The following GGA2 variants were observed in gnomAD, a reference collection of about 807,000 sequenced individuals.
GGA2 encodes the protein golgi associated, gamma adaptin ear containing, ARF binding protein 2.
A neutral mutation model predicts 79.5 loss-of-function variants in GGA2; 48 were observed. The ratio of observed to expected loss-of-function variants is 0.60; its 90% CI spans 0.48 to 0.77. The LOEUF (loss-of-function observed/expected upper bound fraction) is 0.77. Ranked by LOEUF, GGA2 falls within the 30% of genes least tolerant of loss-of-function variation. GGA2 has a pLI of 0.00. For synonymous variants in GGA2, 317 were observed against 302.0 expected, an observed-to-expected ratio of 1.05 and a Z score of -0.51; for missense variants, 770 against 774.0, an observed-to-expected ratio of 0.99 and a Z score of 0.06.
At chr16:23,509,437 C>T (rs72776106) in intron 1 of GGA2, among the ~76,000 whole-genome samples, 11 of 152,306 alleles carry the variant, frequency 7.2e-5, no homozygotes, top group South Asian at 4.1e-4. Context: ...ACGCCCTCCT[C>T]CTCCTCGCCA....
At chr16:23,483,668 C>T (rs866661233) in intron 8 of GGA2, among the ~76,000 whole-genome samples, 6 of 151,648 alleles carry the variant, frequency 4.0e-5, no homozygotes, top group Non-Finnish European at 8.8e-5. Context: ...TTTTTTGAGA[C>T]AGAGTTTCAC....
Position 23,488,652 on chromosome 16 carries a change from G to A in GGA2, c.533C>T (p.Pro178Leu), listed in dbSNP as rs779006805. ...PVDKILPPPSPWPKSSIFDAD... is the reference protein window; with the variant it reads ...PVDKILPPPSLWPKSSIFDAD... ...ATCAAAGATGGAGCTCTTGGGCCAGGGAGATGGTGGGGGTAAGATTTTATC... is the reference window on the plus strand; with the variant it reads ...ATCAAAGATGGAGCTCTTGGGCCAGAGAGATGGTGGGGGTAAGATTTTATC... The change falls in exon 6 of 17, where the codon CCC (proline) becomes CTC (leucine). Residue 178 changes from proline to leucine, a missense_variant. Physicochemically the swap from Pro to Leu is moderately conservative, Grantham distance 98. Transcript: ENST00000309859. The A allele has an allele frequency of 2.5e-6, 4 of 1,611,364 alleles. No homozygotes were observed. The highest frequency in any genetic ancestry group is 3.4e-6 in the Non-Finnish European group (4 of 1,177,692).
At position 23,493,508 on chromosome 16, in the gene GGA2, G is replaced by A. The variant is rs74012183; in HGVS notation, c.253-50C>T. ...AGAAGGTGGAAAGCCAGTGGTCCCA[G>A]GCTCCCCTCCAGGCTGGTAATCACT... On this transcript the variant is annotated intron_variant, in intron 3 of 16. Transcript: ENST00000309859. 1.2e-3 allele frequency: 1,363 copies of A among 1,177,868 alleles called. 16 individuals carry two copies. In the African/African-American group the frequency reaches 0.019, roughly 16 times the overall value. 73.0% of individuals were successfully genotyped at this position (1,177,868 alleles called of 1,614,324 possible).
intron 1 of GGA2, among the ~76,000 whole-genome samples, chr16:23,497,602 C>G (rs530551760): frequency 6.6e-6 from 1 of 152,176 alleles, no homozygotes; most frequent in East Asian, 1.9e-4. Context: ...TCCCCACCCC[C>G]GCAAAGCTCT....
intron 4 of GGA2, among the ~76,000 whole-genome samples, chr16:23,492,472 A>G (rs542727179): frequency 6.6e-6 from 1 of 152,340 alleles, no homozygotes; most frequent in South Asian, 2.1e-4. Context: ...GTGTAAAAAA[A>G]CAAAACAAAA....
At chr16:23,470,505 G>A (rs565362533) in intron 14 of GGA2, among the ~76,000 whole-genome samples, 82 of 152,254 alleles carry the variant, frequency 5.4e-4, no homozygotes, top group Non-Finnish European at 1.3e-4. Flanking sequence ...GCTCACGCCT[G>A]TAATCCCAGC....
chr16:23,474,514 T>A lies in GGA2; in HGVS notation c.1450+390A>T, dbSNP rs1964552026. The stretch of plus-strand genomic sequence containing the variant: ...CTGGGATTACAGGCATGCACCACCA[T>A]GTCCAGCTAATGTTTGTATTTTTTG... On this transcript the variant is annotated intron_variant, in intron 14 of 16. Transcript: ENST00000309859. 2.0e-5 allele frequency among the ~76,000 whole-genome samples: 3 copies of A among 152,220 alleles called. No individual in the cohort carries two copies. The South Asian group carries it at 6.2e-4, about 32-fold the overall frequency.
At position 23,486,005 on chromosome 16, in the gene GGA2, C is replaced by T. The variant is rs746506375; in HGVS notation, c.798+10G>A. The stretch of plus-strand genomic sequence containing the variant: ...AACATGTGCAGCCCCCTGTGTTACA[C>T]CTGTATTACCTGCAGGGCCTCCTGG... On this transcript the variant is annotated intron_variant, in intron 8 of 16. Coordinates refer to ENST00000309859, the MANE Select transcript of GGA2 (RefSeq NM_015044.4). 6.2e-7 allele frequency: 1 copy of T among 1,613,126 alleles called. No homozygotes were observed. Among genetic ancestry groups the T allele is most frequent in the South Asian group, 1.1e-5 (1 of 90,996 alleles).
intron 1 of GGA2, among the ~76,000 whole-genome samples, chr16:23,503,948 C>T (rs1389536168): frequency 1.3e-5 from 2 of 152,100 alleles, no homozygotes; most frequent in Admixed American, 6.6e-5. Flanking sequence ...AGGTATGGTG[C>T]TGCATGCCTG....
intron 1 of GGA2, chr16:23,521,757 A>G (rs1382057101): frequency 4.4e-6 from 2 of 449,732 alleles, no homozygotes; most frequent in South Asian, 3.1e-5. Context: ...GAATCGACTT[A>G]GTATTTTGAC....
At chr16:23,519,192 A>T (rs1019015271) in intron 2 of GGA2, among the ~76,000 whole-genome samples, 1 of 152,106 alleles carries the variant, frequency 6.6e-6, no homozygotes, top group East Asian at 1.9e-4. Context: ...ACAGGTGTGC[A>T]TCACTACACA....
rs753938257 is a variant in GGA2 at position 23,510,427 on chromosome 16, G to A, written c.-16C>T. 3 of 1,113,624 alleles carry A rather than the reference G, an allele frequency of 2.7e-6. No homozygotes were observed. The highest frequency in any genetic ancestry group is 2.4e-5 in the South Asian group (1 of 41,512). The allele number at this position is 1,113,624 out of a possible 1,614,324, so 69.0% of individuals were successfully genotyped here. A position where few individuals can be genotyped will look rare whatever the true frequency, so the allele number is the denominator to read the frequency against. ...TCGCCGCCATCGCTCCAGCCCCGAC[G>A]CTGCGGCCGCGGGCGCCACTGCCTC... is the stretch of plus-strand genomic sequence containing the variant. On this transcript the variant is annotated 5_prime_UTR_variant, in exon 1 of 17. Transcript: ENST00000309859.
At chr16:23,477,587 A>C (rs1964590917) in intron 13 of GGA2, among the ~76,000 whole-genome samples, 1 of 152,074 alleles carries the variant, frequency 6.6e-6, no homozygotes, top group South Asian at 2.1e-4. Flanking sequence ...ACTAAAAAAA[A>C]ATACAAAAAA....
chr16:23,510,281 C>T, intron 1 of GGA2, 40 bp downstream of exon 1: 3 of 1,315,822 alleles, frequency 2.3e-6, no homozygotes, highest in South Asian at 1.5e-5. Context: ...GCCTCACGTG[C>T]GGCGCAGCGG....
chr16:23,478,543 T>C (rs746316111), intron 12 of GGA2, 42 bp from the exon 13 acceptor site: 19 of 1,596,176 alleles, frequency 1.2e-5, no homozygotes, highest in Admixed American at 3.4e-5. Flanking sequence ...AGGGTATGAA[T>C]GACCATCAGC....
At chr16:23,492,551 G>C (rs1167429219) in intron 4 of GGA2, among the ~76,000 whole-genome samples, 1 of 152,194 alleles carries the variant, frequency 6.6e-6, no homozygotes, top group East Asian at 1.9e-4. Context: ...ACCTACGTTG[G>C]GAGGATGGCA....
chr16:23,520,819 C>T (rs555424709), intron 1 of GGA2, among the ~76,000 whole-genome samples: 42 of 152,200 alleles, frequency 2.8e-4, no homozygotes, highest in Admixed American at 2.2e-3. Context: ...GACAGAGTGT[C>T]GCTCTGTTCC....
intron 1 of GGA2, chr16:23,501,238 C>T (rs950462521): frequency 2.7e-5 from 12 of 451,580 alleles, no homozygotes; most frequent in Middle Eastern, 3.3e-4. Context: ...TGGTGTACAT[C>T]GAACGACTTT....
In GGA2 at chr16:23,494,281, C is replaced by T. The variant is rs773420855; in HGVS notation, c.252+22G>A. On this transcript the variant is annotated intron_variant, in intron 3 of 16. Transcript: ENST00000309859. Reference sequence around the variant, plus strand: ...TAGCACAAGGACAGGAAAGGTTAGGCTACAAGGCAAGCCAAACTCACCGTT... The same window carrying T: ...TAGCACAAGGACAGGAAAGGTTAGGTTACAAGGCAAGCCAAACTCACCGTT... 6 of 1,526,010 alleles carry T rather than the reference C, an allele frequency of 3.9e-6. No individual in the cohort carries two copies. In the South Asian group the frequency reaches 4.5e-5, roughly 11 times the overall value. The allele number at this position is 1,526,010 out of a possible 1,614,324, so 94.5% of individuals were successfully genotyped here.
Sources: gnomAD v4.1 joint callset for allele counts (sites outside exome capture counted in the v4.1 genomes callset) on GRCh38, gnomAD v4.1.1 for gene constraint, MANE v1.5 for transcripts, NCBI Gene and HGNC (gene_info 2026-07-23, HGNC 2026-07-21) for gene names.